Variants in FAM186A observed in about 807,000 individuals in gnomAD.
The protein encoded by FAM186A is protein FAM186A.
In FAM186A, 163 loss-of-function variants were observed where a neutral mutation model predicts 216.8. That is an observed-to-expected ratio of 0.75 (90% CI 0.66 to 0.86). The LOEUF (loss-of-function observed/expected upper bound fraction) is 0.86. FAM186A is among the 40% of genes least tolerant of loss of function. The pLI is 0.00. For missense variants in FAM186A, 2,184 were observed against 2,746.2 expected (o/e 0.80, Z 4.58); for synonymous variants, 805 against 1,025.3 (o/e 0.79, Z 4.10).
Position 50,355,888 on chromosome 12 carries a change from A to ATTTCAT in FAM186A, c.938_943dup (p.Asn313_Glu314dup), listed in dbSNP as rs1942971033. 1 of 1,551,110 alleles carries ATTTCAT rather than the reference A, an allele frequency of 6.4e-7. No homozygotes were observed. Among genetic ancestry groups the ATTTCAT allele is most frequent in the Non-Finnish European group, 8.7e-7 (1 of 1,146,940 alleles). ...TGCATCTTGAAGTTTCTGCTGAAGC[A>ATTTCAT]TTTCATTTTCGTTACTGAGATCTCG... On this transcript the variant is annotated inframe_insertion, in exon 4 of 8. Transcript: ENST00000327337.
chr12:50,381,224 A>G (rs1191177937), intron 1 of FAM186A, among the ~76,000 whole-genome samples: 1 of 152,212 alleles, frequency 6.6e-6, no homozygotes, highest in Non-Finnish European at 1.5e-5. Context: ...GTCACCTGCA[A>G]CATGGCAAGC....
rs575519460 is a variant in FAM186A, at chr12:50,354,057, C to G, written c.2775G>C (p.Leu925=). Residue 925 remains leucine (L), a synonymous_variant, in exon 4 of 8, where the codon CTG becomes CTC. Coordinates refer to ENST00000327337, the MANE Select transcript of FAM186A (RefSeq NM_001145475.3). Reference sequence around the variant, plus strand: ...TTTTCATTTTTTGGGTCCCTTCTTCCAGCCGCTGCAGGCTTGACTTTGGAA... The same window carrying G: ...TTTTCATTTTTTGGGTCCCTTCTTCGAGCCGCTGCAGGCTTGACTTTGGAA... The part of the protein sequence containing the change: ...EELPKSSLQR[L]EEGTQKMKTQ... 1 of 1,551,722 alleles carries G rather than the reference C, an allele frequency of 6.4e-7. No individual in the cohort carries two copies. The highest frequency in any genetic ancestry group is 2.4e-5 in the East Asian group (1 of 40,930).
intron 1 of FAM186A, among the ~76,000 whole-genome samples, chr12:50,387,931 C>T (rs1943319169): frequency 6.6e-6 from 1 of 152,158 alleles, no homozygotes; most frequent in South Asian, 2.1e-4. Context: ...TCACTATCTG[C>T]CTACGTGATT....
intron 3 of FAM186A, among the ~76,000 whole-genome samples, chr12:50,358,610 A>T (rs952018354): frequency 1.3e-5 from 2 of 151,492 alleles, no homozygotes; most frequent in East Asian, 3.9e-4. Context: ...ACAAAAACCT[A>T]TATCCAGAAG....
chr12:50,386,448 C>CA (rs1445676727), intron 1 of FAM186A, among the ~76,000 whole-genome samples: 1 of 151,838 alleles, frequency 6.6e-6, no homozygotes, highest in Non-Finnish European at 1.5e-5. Flanking sequence ...AAGAAACAAA[C>CA]AAAAAAGATA....
At chr12:50,327,919 T>G (rs575103173) in intron 7 of FAM186A, among the ~76,000 whole-genome samples, 81 of 152,254 alleles carry the variant, frequency 5.3e-4, no homozygotes, top group African/African-American at 1.8e-3. Flanking sequence ...GAAAAGGACT[T>G]GGCAATAGCT....
intron 1 of FAM186A, among the ~76,000 whole-genome samples, chr12:50,389,454 C>T (rs1423775145): frequency 1.3e-5 from 2 of 152,056 alleles, no homozygotes; most frequent in African/African-American, 2.4e-5. Context: ...GAGCTGAGAT[C>T]GCGACATTGC....
At chr12:50,386,831 C>T (rs901616025) in intron 1 of FAM186A, among the ~76,000 whole-genome samples, 10 of 150,306 alleles carry the variant, frequency 6.7e-5, no homozygotes, top group African/African-American at 1.2e-4. Context: ...GAGCCGAGAT[C>T]GTGCCACTGC....
At chr12:50,386,903 G>T (rs1943309622) in intron 1 of FAM186A, among the ~76,000 whole-genome samples, 1 of 150,982 alleles carries the variant, frequency 6.6e-6, no homozygotes, top group African/African-American at 2.4e-5. Flanking sequence ...TTCAACTTAT[G>T]ATTTCATCCC....
chr12:50,377,297 T>C (rs1943207249), intron 1 of FAM186A, among the ~76,000 whole-genome samples: 1 of 152,162 alleles, frequency 6.6e-6, no homozygotes, highest in Non-Finnish European at 1.5e-5. Flanking sequence ...TGCAACTCAG[T>C]AGAGAAAGGA....
chr12:50,384,017 C>G (rs1943279206), intron 1 of FAM186A, among the ~76,000 whole-genome samples: 1 of 152,036 alleles, frequency 6.6e-6, no homozygotes, highest in African/African-American at 2.4e-5. Context: ...ACTCACGAGG[C>G]TGAGGCAGGA....
At chr12:50,340,443 C>G (rs1197987214) in intron 4 of FAM186A, among the ~76,000 whole-genome samples, 1 of 152,072 alleles carries the variant, frequency 6.6e-6, no homozygotes, top group Admixed American at 6.6e-5. Context: ...AGCTCAGTGT[C>G]TCACACCTGT....
rs183975248 is a variant in FAM186A at position 50,350,346 on chromosome 12, C to G, written c.6486G>C (p.Arg2162Ser). 2.8e-4 allele frequency: 433 copies of G among 1,548,896 alleles called. 1 individual carries two copies. The African/African-American group carries it at 5.5e-3, about 20-fold the overall frequency. Residue 2162 changes from arginine to serine, a missense_variant, in exon 4 of 8, where the codon AGG (arginine) becomes AGC (serine). By Grantham distance (110) the Arg-to-Ser change is moderately radical (BLOSUM62 -1). This residue lies in a region of FAM186A where 721 missense variants were observed against 816.4 expected (regional missense o/e 0.88). Transcript: ENST00000327337. ...GYLFRKYIAYRLIQHARNNIM... is the reference protein window; with the variant it reads ...GYLFRKYIAYSLIQHARNNIM... ...ATATCTACCTGGCATGCTGGATCAGCCTATAGGCAATGTACTTGCGGAATA... is the reference window on the plus strand; with the variant it reads ...ATATCTACCTGGCATGCTGGATCAGGCTATAGGCAATGTACTTGCGGAATA...
chr12:50,379,701 G>T (rs868187596), intron 1 of FAM186A, among the ~76,000 whole-genome samples: 18 of 151,678 alleles, frequency 1.2e-4, no homozygotes, highest in South Asian at 6.3e-4. Context: ...CAGGAGAATC[G>T]CTTGAACCCG....
In FAM186A at chr12:50,355,213, C is replaced by A. The variant is rs754114944; in HGVS notation, c.1619G>T (p.Ser540Ile). 1.9e-6 allele frequency: 3 copies of A among 1,551,732 alleles called. No homozygotes were observed. The South Asian group carries it at 3.6e-5, about 18-fold the overall frequency. Residue 540 changes from serine to isoleucine, a missense_variant, in exon 4 of 8, where the codon AGT becomes ATT. Physicochemically the swap from Ser to Ile is moderately radical, Grantham distance 142. Around this residue, in one of 7 missense-constraint regions of FAM186A, gnomAD observed 1,132 missense variants for 1,263.4 expected, o/e 0.90. Transcript: ENST00000327337. ...TKSQGGKSGT[S>I]MMMLEQFRKV... ...CCTAAATTGCTCCAACATCATCATA[C>A]TTGTTCCACTTTTGCCACCTTGGCT... is the stretch of plus-strand genomic sequence containing the variant.
At chr12:50,364,418 C>T (rs1592619996) in intron 1 of FAM186A, among the ~76,000 whole-genome samples, 1 of 151,384 alleles carries the variant, frequency 6.6e-6, no homozygotes, top group Admixed American at 6.6e-5. Context: ...ATTAGCTGGG[C>T]GTGGTGGCGG....
chr12:50,357,923 A>G (rs1942994658), intron 3 of FAM186A, among the ~76,000 whole-genome samples: 1 of 152,028 alleles, frequency 6.6e-6, no homozygotes, highest in East Asian at 1.9e-4. Context: ...CATTGCAGTG[A>G]GTCGAGATCA....
intron 4 of FAM186A, among the ~76,000 whole-genome samples, chr12:50,337,911 CAAAT>C (rs1250405201): frequency 1.1e-5 from 1 of 88,390 alleles, no homozygotes; most frequent in Non-Finnish European, 2.5e-5. Context: ...AACAAACAAA[CAAAT>C]AAACAAACAA....
In FAM186A at chr12:50,331,774, G is replaced by C. The variant is rs1942658911; in HGVS notation, c.6744C>G (p.Ile2248Met). ...AGGCAGGTATCTGCTTTTCTTCGAT[G>C]ATTAAGGGGATAGGTTGACTAAGAT... ...ELNLSQPIPL[I>M]IEEKQIPAST... The change falls in exon 6 of 8, where the codon ATC becomes ATG. Residue 2248 changes from isoleucine (I) to methionine (M), a missense_variant. Physicochemically the swap from Ile to Met is conservative, Grantham distance 10 (BLOSUM62 1). This residue lies in a region of FAM186A where 721 missense variants were observed against 816.4 expected (regional missense o/e 0.88). Transcript: ENST00000327337. The C allele has an allele frequency of 6.5e-7, 1 of 1,548,700 alleles. No homozygotes were observed. The highest frequency in any genetic ancestry group is 2.4e-5 in the East Asian group (1 of 40,908).
Sources: gnomAD v4.1 joint callset for allele counts (sites outside exome capture counted in the v4.1 genomes callset) on GRCh38, gnomAD v4.1.1 for gene constraint, gnomAD v4.1.1 regional missense constraint, MANE v1.5 for transcripts, NCBI Gene and HGNC (gene_info 2026-07-23, HGNC 2026-07-21) for gene names.